ASIP: variants seen among roughly 807,000 people sequenced by gnomAD.
ASIP encodes agouti-signaling protein.
ASIP carries 11 observed loss-of-function variants against 10.3 expected under a neutral mutation model. The ratio of observed to expected loss-of-function variants is 1.07; its 90% CI spans 0.68 to 1.78. ASIP has a LOEUF of 1.78. Ranked by LOEUF, ASIP falls within the 40% of genes most tolerant of loss-of-function variation. The probability of loss-of-function intolerance (pLI) is 0.00; values close to 1 mark genes in which losing one functional copy is unlikely to be tolerated. For synonymous variants in ASIP, 70 were observed against 70.8 expected (o/e 0.99, Z 0.06); for missense variants, 180 against 169.2 (o/e 1.06, Z -0.35).
the ASIP span, among the ~76,000 whole-genome samples, chr20:34,186,796 G>T: frequency 6.6e-6 from 1 of 150,850 alleles, no homozygotes; most frequent in Admixed American, 6.6e-5. Flanking sequence ...GGCAGCAGTA[G>T]GTTGTTTTTG....
At chr20:34,264,682 A>G (rs962286075) in intron 3 of ASIP, among the ~76,000 whole-genome samples, 1 of 152,210 alleles carries the variant, frequency 6.6e-6, no homozygotes, top group Non-Finnish European at 1.5e-5. Context: ...GTATCAATAA[A>G]TACAGTACAG....
chr20:34,246,464 T>C, intron 1 of ASIP: 1 of 1,401,076 alleles, frequency 7.1e-7, no homozygotes. Context: ...TCGAAGTGGG[T>C]AATTGGCATC....
chr20:34,214,307 G>C lies in ASIP; in HGVS notation c.-11+19547G>C, dbSNP rs765619868. ...AGAAAGCCATTAGTACACATGGAAC[G>C]TGCTGAGGTTCAACTGTGAAAAACT... is the stretch of plus-strand genomic sequence containing the variant. On this transcript the variant is annotated intron_variant, in intron 1 of 3. Transcript: ENST00000568305. 2.2e-6 allele frequency: 3 copies of C among 1,348,378 alleles called. No individual in the cohort carries two copies. In the Admixed American group the frequency reaches 5.0e-5, roughly 23 times the overall value. The allele number at this position is 1,348,378 out of a possible 1,614,324, so 83.5% of individuals were successfully genotyped here.
intron 1 of ASIP, among the ~76,000 whole-genome samples, chr20:34,227,191 T>C (rs2035098944): frequency 6.6e-6 from 1 of 152,140 alleles, no homozygotes; most frequent in African/African-American, 2.4e-5. Flanking sequence ...ATTTCTATAT[T>C]GTAGCAAAGA....
upstream of ASIP, among the ~76,000 whole-genome samples, chr20:34,238,319 C>A (rs770560438): frequency 6.6e-6 from 1 of 151,994 alleles, no homozygotes; most frequent in Non-Finnish European, 1.5e-5. Context: ...CCCACATGTC[C>A]CTTAGGCAGT....
At chr20:34,193,098 A>G (rs1283462833), upstream of ASIP, among the ~76,000 whole-genome samples, 4 of 152,180 alleles carry the variant, frequency 2.6e-5, no homozygotes, top group Non-Finnish European at 4.4e-5. Context: ...CTCTTTATCT[A>G]TCTGTATAGT....
At chr20:34,252,744 A>G (rs2035498811) in intron 1 of ASIP, among the ~76,000 whole-genome samples, 1 of 152,052 alleles carries the variant, frequency 6.6e-6, no homozygotes. Context: ...CCACGAGGCC[A>G]TATCTCAGGC....
intron 1 of ASIP, among the ~76,000 whole-genome samples, chr20:34,220,634 C>T (rs752887708): frequency 1.3e-5 from 2 of 151,476 alleles, no homozygotes; most frequent in Non-Finnish European, 2.9e-5. Flanking sequence ...TGTCATGAGA[C>T]CATGGAGAGC....
chr20:34,216,168 CCTTCT>C (rs1404903596), intron 1 of ASIP, among the ~76,000 whole-genome samples: 1 of 152,252 alleles, frequency 6.6e-6, no homozygotes, highest in Admixed American at 6.5e-5. Context: ...TCCCCTGGCA[CCTTCT>C]CTTGAGTGGC....
Position 34,201,041 on chromosome 20 carries a change from TTTCTTTCTTTCTTTCTTTC to T in ASIP, c.-11+6284_-11+6302del, listed in dbSNP as rs1158618263. On this transcript the variant is annotated intron_variant, in intron 1 of 3. Coordinates refer to the ASIP transcript ENST00000568305. ...CCTTCTTTCTTTCTTTCTTTCTTTC[TTTCTTTCTTTCTTTCTTTC>T]TTTTTTTTCCTCCAGAATGTCTTAT... Among the ~76,000 whole-genome samples, 434 of 121,158 alleles carry T rather than the reference TTTCTTTCTTTCTTTCTTTC, an allele frequency of 3.6e-3. 3 individuals carry two copies. Among genetic ancestry groups the T allele is most frequent in the Middle Eastern group, 0.02 (5 of 256 alleles). The allele number at this position is 121,158 out of a possible 152,430, so 79.5% of individuals were successfully genotyped here.
intron 1 of ASIP, among the ~76,000 whole-genome samples, chr20:34,212,585 C>G (rs932887739): frequency 6.6e-6 from 1 of 152,114 alleles, no homozygotes; most frequent in Middle Eastern, 3.2e-3. Flanking sequence ...TAACAATTGA[C>G]CCAATAATGT....
At chr20:34,193,212 C>G (rs964028811), upstream of ASIP, among the ~76,000 whole-genome samples, 14 of 152,332 alleles carry the variant, frequency 9.2e-5, no homozygotes, top group East Asian at 2.7e-3. Flanking sequence ...CCCACCTCCC[C>G]CTGTGAGGAG....
chr20:34,244,139 C>T (rs2122612517), intron 1 of ASIP, among the ~76,000 whole-genome samples: 1 of 152,302 alleles, frequency 6.6e-6, no homozygotes, highest in South Asian at 2.1e-4. Context: ...GTTTTGTGGG[C>T]TCTAAGTTTC....
At chr20:34,201,432 C>T (rs2034899121) in intron 1 of ASIP, among the ~76,000 whole-genome samples, 1 of 152,196 alleles carries the variant, frequency 6.6e-6, no homozygotes, top group Non-Finnish European at 1.5e-5. Flanking sequence ...ATACCATTCA[C>T]CTCTTTGTTT....
chr20:34,190,939 T>A (rs1008110863), upstream of ASIP, among the ~76,000 whole-genome samples: 4 of 152,106 alleles, frequency 2.6e-5, no homozygotes, highest in Non-Finnish European at 4.4e-5. Context: ...CCTATTGAAT[T>A]GGTAAGGGAG....
intron 1 of ASIP, among the ~76,000 whole-genome samples, chr20:34,231,439 C>T (rs1014051708): frequency 4.0e-5 from 6 of 151,736 alleles, no homozygotes; most frequent in African/African-American, 1.2e-4. Context: ...CAAAAGAAAA[C>T]ATAGAAGAAA....
chr20:34,261,345 T>A (rs1052544803), intron 2 of ASIP, among the ~76,000 whole-genome samples: 4 of 152,000 alleles, frequency 2.6e-5, no homozygotes, highest in Non-Finnish European at 4.4e-5. Flanking sequence ...CAGAAAAATT[T>A]AAAAACTAGC....
chr20:34,241,056 T>C (rs1336296600), upstream of ASIP, among the ~76,000 whole-genome samples: 1 of 152,182 alleles, frequency 6.6e-6, no homozygotes, highest in Non-Finnish European at 1.5e-5. Flanking sequence ...AAAGACGCTC[T>C]GCTTTGGCGA....
Position 34,258,690 on chromosome 20 carries a change from T to TATATATATATATATAC in ASIP, c.-10-1674_-10-1673insTATATATATATATACA, listed in dbSNP as rs1250992566. ...GGGGGATGCCATATATATATATATA[T>TATATATATATATATAC]ACATACTATATATATATATTATATA... On this transcript the variant is annotated intron_variant, in intron 1 of 3. Coordinates refer to ENST00000374954, the MANE Select transcript of ASIP (RefSeq NM_001672.3). Among the ~76,000 whole-genome samples, 16 of 72,306 alleles carry TATATATATATATATAC rather than the reference T, an allele frequency of 2.2e-4. 2 individuals are homozygous for TATATATATATATATAC. The highest frequency in any genetic ancestry group is 1.1e-3 in the African/African-American group (15 of 13,598). 47.4% of individuals were successfully genotyped at this position (72,306 alleles called of 152,430 possible). A position where few individuals can be genotyped will look rare whatever the true frequency, so the allele number is the denominator to read the frequency against.
Sources: allele counts gnomAD v4.1 joint callset (sites outside exome capture counted in the v4.1 genomes callset), GRCh38; gene constraint gnomAD v4.1.1; transcripts MANE v1.5; gene names NCBI Gene and HGNC (gene_info 2026-07-23, HGNC 2026-07-21).